Variants in PLEKHM3 observed in about 807,000 individuals in gnomAD.
PLEKHM3 encodes pleckstrin homology domain-containing family M member 3.
Under a neutral mutation model 81.8 loss-of-function variants are expected in PLEKHM3, and 45 were observed. The ratio of observed to expected loss-of-function variants is 0.55; its 90% CI spans 0.43 to 0.71. The LOEUF is 0.71. Ranked by LOEUF, PLEKHM3 falls within the 30% of genes least tolerant of loss-of-function variation. PLEKHM3 has a pLI of 0.00. For missense variants in PLEKHM3, 788 were observed against 924.3 expected, an observed-to-expected ratio of 0.85 and a Z score of 1.91; for synonymous variants, 352 against 356.4, an observed-to-expected ratio of 0.99 and a Z score of 0.14.
At chr2:207,864,254 A>G (rs1450780991) in intron 6 of PLEKHM3, among the ~76,000 whole-genome samples, 1 of 152,090 alleles carries the variant, frequency 6.6e-6, no homozygotes, top group Non-Finnish European at 1.5e-5. Flanking sequence ...TCTTTTATTT[A>G]TGTTCTCTGA....
chr2:207,899,310 C>T (rs1007998427), intron 6 of PLEKHM3, among the ~76,000 whole-genome samples: 49 of 152,228 alleles, frequency 3.2e-4, no homozygotes, highest in African/African-American at 1.1e-3. Flanking sequence ...TAGTCCAAGG[C>T]ATCAAGGGAT....
In PLEKHM3 at chr2:207,843,033, G is replaced by A. The variant is rs902956191; in HGVS notation, c.2109-14537C>T. 1.3e-5 allele frequency among the ~76,000 whole-genome samples: 2 copies of A among 152,096 alleles called. No homozygotes were observed. Among genetic ancestry groups the A allele is most frequent in the Non-Finnish European group, 2.9e-5 (2 of 68,020 alleles). The stretch of plus-strand genomic sequence containing the variant: ...GTGATCACGGCTCACTGCAACCTCC[G>A]CCTCCTAGGCTCAAGCGATCTTCCC... On this transcript the variant is annotated intron_variant, in intron 7 of 7. Transcript: ENST00000427836. The surrounding 1 kb of genome is among the most constrained non-coding windows in gnomAD (Gnocchi z 4.4).
intron 7 of PLEKHM3, among the ~76,000 whole-genome samples, chr2:207,830,186 A>G (rs1443796909): frequency 5.3e-5 from 8 of 152,294 alleles, no homozygotes; most frequent in African/African-American, 1.2e-4. Flanking sequence ...GAGGCCAGCC[A>G]GCAAGGAGCT....
chr2:207,933,622 T>G (rs559871962), intron 4 of PLEKHM3, among the ~76,000 whole-genome samples: 1 of 152,260 alleles, frequency 6.6e-6, no homozygotes, highest in Admixed American at 6.5e-5. Context: ...TCCCAGGCCT[T>G]AAAAGGCTTC....
At chr2:207,861,435 T>C (rs2092466420) in intron 6 of PLEKHM3, among the ~76,000 whole-genome samples, 173 bp from the exon 7 acceptor site, 1 of 152,220 alleles carries the variant, frequency 6.6e-6, no homozygotes, top group South Asian at 2.1e-4. Flanking sequence ...AAGAACTTTC[T>C]GGTTTAAACC....
intron 6 of PLEKHM3, among the ~76,000 whole-genome samples, chr2:207,872,805 C>A (rs1044370224): frequency 6.6e-6 from 1 of 152,150 alleles, no homozygotes; most frequent in African/African-American, 2.4e-5. Context: ...CCAGCTTGGG[C>A]AACAGAGTGA....
At chr2:207,881,918 C>T (rs12468602) in intron 6 of PLEKHM3, among the ~76,000 whole-genome samples, 39,265 of 152,042 alleles carry the variant, frequency 0.26, 5,249 homozygotes, top group Middle Eastern at 0.36. Flanking sequence ...TTTTGCCTCC[C>T]TCCTGCCTGC....
chr2:207,999,142 C>G (rs1244908665), intron 2 of PLEKHM3, among the ~76,000 whole-genome samples: 2 of 151,996 alleles, frequency 1.3e-5, no homozygotes, highest in Non-Finnish European at 2.9e-5. Flanking sequence ...GCCACCAAGC[C>G]CAGCTAATTT....
intron 6 of PLEKHM3, among the ~76,000 whole-genome samples, chr2:207,898,022 T>C (rs912246590): frequency 6.6e-6 from 1 of 152,198 alleles, no homozygotes; most frequent in African/African-American, 2.4e-5. Flanking sequence ...TGTCAGCCTG[T>C]GCAAGTCTGC....
chr2:208,004,067 A>G (rs1692411891), intron 1 of PLEKHM3, among the ~76,000 whole-genome samples: 1 of 152,054 alleles, frequency 6.6e-6, no homozygotes. Context: ...TTGATTTATC[A>G]AACTATCTAG....
In PLEKHM3 at chr2:207,977,150, C is replaced by T. The variant is rs762941815; in HGVS notation, c.1047G>A (p.Pro349=). Residue 349 remains proline, a synonymous_variant, in exon 3 of 8, where the codon CCG becomes CCA. Transcript: ENST00000427836. ...FQKKTSGLLP[P]SPVLDSSKQY... is the part of the protein sequence containing the mutation. ...GTTTGGAGCTGTCCAGGACAGGGGA[C>T]GGTGGCAGCAGCCCACTGGTTTTCT... 229 of 1,614,148 alleles carry T rather than the reference C, an allele frequency of 1.4e-4. No individual in the cohort carries two copies. Among genetic ancestry groups the T allele is most frequent in the Non-Finnish European group, 1.8e-4 (212 of 1,180,016 alleles).
At chr2:207,832,313 C>T (rs1468025360) in intron 7 of PLEKHM3, among the ~76,000 whole-genome samples, 2 of 152,098 alleles carry the variant, frequency 1.3e-5, no homozygotes, top group African/African-American at 4.8e-5. Context: ...CCTCCCCCAA[C>T]CCTTTTCTCT....
At chr2:207,836,757 G>A (rs572475402) in intron 7 of PLEKHM3, among the ~76,000 whole-genome samples, 1 of 152,314 alleles carries the variant, frequency 6.6e-6, no homozygotes, top group South Asian at 2.1e-4. Flanking sequence ...TGCTTCTGCT[G>A]TGTTCATGTT....
rs1368989463 is a variant in PLEKHM3 at position 207,966,657 on chromosome 2, GT to G, written c.1546+9993del. 3.3e-5 allele frequency among the ~76,000 whole-genome samples: 5 copies of G among 152,004 alleles called. No homozygotes were observed. The East Asian group carries it at 9.7e-4, about 29-fold the overall frequency. The stretch of plus-strand genomic sequence containing the variant: ...AACCTCCACCTCCCGGGTTCAAGAG[GT>G]TCTCCTACCTCAGCCTCCCGAGTAG... On this transcript the variant is annotated intron_variant, in intron 3 of 7. Coordinates refer to ENST00000427836, the MANE Select transcript of PLEKHM3 (RefSeq NM_001080475.3).
intron 3 of PLEKHM3, among the ~76,000 whole-genome samples, chr2:207,965,421 G>C (rs1690878001): frequency 6.6e-6 from 1 of 151,606 alleles, no homozygotes; most frequent in African/African-American, 2.4e-5. Context: ...CACAGCTATG[G>C]CCTATGAAGT....
At chr2:207,846,349 C>A (rs1049075223) in intron 7 of PLEKHM3, among the ~76,000 whole-genome samples, 5 of 151,768 alleles carry the variant, frequency 3.3e-5, no homozygotes, top group African/African-American at 9.7e-5. Context: ...ACCATATTGG[C>A]CAGGCTGGTC....
At chr2:207,902,340 T>A (rs1688458699) in intron 6 of PLEKHM3, among the ~76,000 whole-genome samples, 1 of 152,202 alleles carries the variant, frequency 6.6e-6, no homozygotes, top group African/African-American at 2.4e-5. Flanking sequence ...ATAACTCACA[T>A]CACTTCCTTG....
At position 207,846,719 on chromosome 2, in the gene PLEKHM3, T is replaced by C. The variant is rs1166162905; in HGVS notation, c.2108+14386A>G. The stretch of plus-strand genomic sequence containing the variant: ...GCCTGGATGACAGAGCCAGATCCTG[T>C]CTCAAAAAAAAAAAAATTTTTTTTT... On this transcript the variant is annotated intron_variant, in intron 7 of 7. Coordinates refer to ENST00000427836, the MANE Select transcript of PLEKHM3 (RefSeq NM_001080475.3). 6.6e-5 allele frequency among the ~76,000 whole-genome samples: 10 copies of C among 151,194 alleles called. No individual in the cohort carries two copies. The East Asian group carries it at 1.4e-3, about 21-fold the overall frequency.
intron 3 of PLEKHM3, among the ~76,000 whole-genome samples, chr2:207,961,409 G>A (rs933210093): frequency 6.6e-6 from 1 of 152,144 alleles, no homozygotes; most frequent in African/African-American, 2.4e-5. Flanking sequence ...TTGGTACACT[G>A]ATATATACCT....
Sources: gnomAD v4.1 joint callset for allele counts (sites outside exome capture counted in the v4.1 genomes callset) on GRCh38, gnomAD v4.1.1 for gene constraint, Gnocchi (gnomAD v3.1) non-coding constraint, MANE v1.5 for transcripts, NCBI Gene and HGNC (gene_info 2026-07-23, HGNC 2026-07-21) for gene names.